Variants in STK33 observed in about 807,000 individuals in gnomAD.
STK33 encodes the protein serine/threonine-protein kinase 33.
STK33 carries 52 observed loss-of-function variants against 58.0 expected under a neutral mutation model. The ratio of observed to expected loss-of-function variants is 0.90; its 90% CI spans 0.72 to 1.13. The LOEUF is 1.13. Ranked by LOEUF, STK33 falls within the 50% of genes most tolerant of loss-of-function variation. The pLI, the probability that STK33 is intolerant of heterozygous loss-of-function variation, is 0.00. For synonymous variants in STK33, 215 were observed against 200.1 expected (o/e 1.07, Z -0.63); for missense variants, 630 against 604.2 (o/e 1.04, Z -0.45).
chr11:8,444,806 C>T (rs1001184147), intron 11 of STK33, among the ~76,000 whole-genome samples: 1 of 151,962 alleles, frequency 6.6e-6, no homozygotes, highest in Non-Finnish European at 1.5e-5. Flanking sequence ...CCCAAAAAAG[C>T]AGCAGAACCA....
chr11:8,392,792 C>T, intron 15 of STK33, 82 bp from the exon 16 acceptor site: 1 of 1,446,662 alleles, frequency 6.9e-7, no homozygotes, highest in South Asian at 1.2e-5. Context: ...ACAAAGTTGT[C>T]CAGGATTTGC....
chr11:8,549,825 C>T (rs763868816), intron 1 of STK33, among the ~76,000 whole-genome samples: 11 of 151,982 alleles, frequency 7.2e-5, no homozygotes, highest in Non-Finnish European at 1.6e-4. Context: ...TCAGTTGTAA[C>T]GTTTTCATCT....
chr11:8,573,607 T>G (rs938924654), intron 1 of STK33, among the ~76,000 whole-genome samples: 1 of 152,242 alleles, frequency 6.6e-6, no homozygotes. Context: ...TGATAACTTA[T>G]GTTCACACAG....
At chr11:8,445,430 G>C (rs1463791458) in intron 11 of STK33, among the ~76,000 whole-genome samples, 1 of 152,202 alleles carries the variant, frequency 6.6e-6, no homozygotes, top group African/African-American at 2.4e-5. Context: ...AATAGGAGTG[G>C]TGAGAGAGGG....
At chr11:8,413,878 C>CG (rs1367896990) in intron 14 of STK33, among the ~76,000 whole-genome samples, 186 bp from the exon 15 acceptor site, 1 of 152,168 alleles carries the variant, frequency 6.6e-6, no homozygotes, top group Non-Finnish European at 1.5e-5. Context: ...TGGCTCACAT[C>CG]CCTTGCATGA....
the STK33 span, among the ~76,000 whole-genome samples, chr11:8,377,939 G>C: frequency 6.6e-6 from 1 of 152,134 alleles, no homozygotes; most frequent in African/African-American, 2.4e-5. Flanking sequence ...AAAAACTGCT[G>C]AAAGAAACCA....
chr11:8,373,780 G>A, the STK33 span, among the ~76,000 whole-genome samples: 1 of 152,172 alleles, frequency 6.6e-6, no homozygotes, highest in Admixed American at 6.5e-5. Context: ...CTGAGTGTGA[G>A]CTGGAAAAAT....
At chr11:8,404,368 A>C (rs1590789329) in intron 15 of STK33, among the ~76,000 whole-genome samples, 1 of 152,324 alleles carries the variant, frequency 6.6e-6, no homozygotes, top group East Asian at 1.9e-4. Flanking sequence ...GGCCTGTATA[A>C]CCAACACCAC....
In STK33 at chr11:8,452,150, C is replaced by T. The variant is rs182689743; in HGVS notation, c.871+672G>A. Among the ~76,000 whole-genome samples the T allele has an allele frequency of 3.3e-5, 5 of 152,148 alleles. No homozygotes were observed. In the East Asian group the frequency reaches 9.7e-4, roughly 29 times the overall value. On this transcript the variant is annotated intron_variant, in intron 11 of 15. Transcript: ENST00000687296. ...CCCAGGAGGCGGAGGTTGCAGTGAG[C>T]CCAGACTGCGCCACTGCACTCCAGC...
intron 1 of STK33, among the ~76,000 whole-genome samples, chr11:8,522,354 C>A (rs1482248018): frequency 1.3e-5 from 2 of 152,026 alleles, no homozygotes; most frequent in African/African-American, 4.8e-5. Flanking sequence ...AACCATGATT[C>A]TGAGCAAACT....
At chr11:8,417,066 C>A (rs140536256) in intron 14 of STK33, among the ~76,000 whole-genome samples, 66 of 152,248 alleles carry the variant, frequency 4.3e-4, no homozygotes, top group East Asian at 1.5e-3. Flanking sequence ...AAAACTGGGG[C>A]AGAACTGTTA....
At position 8,514,693 on chromosome 11, in the gene STK33, G is replaced by A. The variant is rs372599430; in HGVS notation, c.-465-34079C>T. Among the ~76,000 whole-genome samples, 96 of 152,284 alleles carry A rather than the reference G, an allele frequency of 6.3e-4. 1 individual carries two copies. In the South Asian group the frequency reaches 0.019, roughly 30 times the overall value. The stretch of plus-strand genomic sequence containing the variant: ...TCCTGGACTGGTTATACCCACAGGC[G>A]CTAGCAGGAACAAACATAATCCTTC... On this transcript the variant is annotated intron_variant, in intron 1 of 15. Coordinates refer to ENST00000687296, the MANE Select transcript of STK33 (RefSeq NM_001352389.2).
chr11:8,536,933 T>C (rs1229756407), intron 1 of STK33, among the ~76,000 whole-genome samples: 1 of 123,220 alleles, frequency 8.1e-6, no homozygotes, highest in Non-Finnish European at 1.6e-5. Flanking sequence ...AGGCATGCAC[T>C]GCCATACCCA....
intron 12 of STK33, among the ~76,000 whole-genome samples, chr11:8,437,982 G>C (rs1195695657): frequency 2.0e-5 from 3 of 152,102 alleles, no homozygotes; most frequent in African/African-American, 4.8e-5. Context: ...AAACAAAATA[G>C]CCAGAAAAAT....
At chr11:8,580,576 A>G (rs2029961785) in intron 1 of STK33, among the ~76,000 whole-genome samples, 1 of 152,180 alleles carries the variant, frequency 6.6e-6, no homozygotes, top group African/African-American at 2.4e-5. Flanking sequence ...CAGGATGACT[A>G]TAGTCAAATA....
the STK33 span, among the ~76,000 whole-genome samples, chr11:8,345,619 G>A: frequency 6.6e-6 from 1 of 152,224 alleles, no homozygotes; most frequent in East Asian, 1.9e-4. Flanking sequence ...GTTGAGCAAG[G>A]CTCTTTACCT....
intron 1 of STK33, among the ~76,000 whole-genome samples, chr11:8,541,658 G>T (rs1244590067): frequency 6.6e-6 from 1 of 151,866 alleles, no homozygotes; most frequent in Non-Finnish European, 1.5e-5. Context: ...TCCTAAATTC[G>T]TTGCTATTTT....
At chr11:8,402,154 G>A (rs1289523533) in intron 15 of STK33, among the ~76,000 whole-genome samples, 2 of 152,140 alleles carry the variant, frequency 1.3e-5, no homozygotes. Context: ...CTGCTATAAA[G>A]ACACATGCAC....
chr11:8,342,853 A>G, the STK33 span, among the ~76,000 whole-genome samples: 1 of 152,234 alleles, frequency 6.6e-6, no homozygotes, highest in Non-Finnish European at 1.5e-5. Flanking sequence ...GTGCCAGACC[A>G]AAGAGCAAAA....
Sources: gnomAD v4.1 joint callset for allele counts (sites outside exome capture counted in the v4.1 genomes callset) on GRCh38, gnomAD v4.1.1 for gene constraint, MANE v1.5 for transcripts, NCBI Gene and HGNC (gene_info 2026-07-23, HGNC 2026-07-21) for gene names.